TMEM8B: variants seen among roughly 807,000 people sequenced by gnomAD.
The protein encoded by TMEM8B is nasopharyngeal carcinoma expressed 6.
A neutral mutation model predicts 49.3 loss-of-function variants in TMEM8B; 29 were observed. The observed-to-expected ratio is 0.59, with a 90% CI of 0.44 to 0.80. The LOEUF is 0.80. TMEM8B is among the 30% of genes least tolerant of loss of function. TMEM8B has a pLI of 0.00. For missense variants in TMEM8B, 575 were observed against 658.5 expected (o/e 0.87, Z 1.39); for synonymous variants, 264 against 272.8 (o/e 0.97, Z 0.32).
At chr9:35,831,046 G>C (rs947396937) in intron 1 of TMEM8B, among the ~76,000 whole-genome samples, 1 of 152,204 alleles carries the variant, frequency 6.6e-6, no homozygotes, top group Non-Finnish European at 1.5e-5. Flanking sequence ...AGAACAGCTG[G>C]GGGGTGGAGA....
At chr9:35,851,950 G>A (rs1279146613) in intron 10 of TMEM8B, among the ~76,000 whole-genome samples, 2 of 152,014 alleles carry the variant, frequency 1.3e-5, no homozygotes, top group East Asian at 3.9e-4. Context: ...CAGATTTTTT[G>A]GTGGCATCTC....
Position 35,854,659 on chromosome 9 carries a change from T to A in TMEM8B, c.*819T>A, listed in dbSNP as rs1253226529. ...CGATTTGCAGTATCTGAGGGGTGTG[T>A]GTGTGTGTGTGTGTGTTTATGTATG... On this transcript the variant is annotated 3_prime_UTR_variant, in exon 13 of 13. Coordinates refer to ENST00000643932, the MANE Select transcript of TMEM8B (RefSeq NM_001042590.4). 1 of 152,036 alleles carries A rather than the reference T, an allele frequency of 6.6e-6. No individual in the cohort carries two copies. The highest frequency in any genetic ancestry group is 1.5e-5 in the Non-Finnish European group (1 of 68,018). 9.4% of individuals were successfully genotyped at this position (152,036 alleles called of 1,614,324 possible). A position where few individuals can be genotyped will look rare whatever the true frequency, so the allele number is the denominator to read the frequency against.
intron 6 of TMEM8B, among the ~76,000 whole-genome samples, chr9:35,845,043 T>C (rs977802899): frequency 1.1e-4 from 17 of 152,182 alleles, no homozygotes; most frequent in African/African-American, 4.1e-4. Flanking sequence ...CGGGCTTGCA[T>C]TGAAGGAAGT....
chr9:35,834,987 C>A, intron 2 of TMEM8B, 24 bp from the exon 3 acceptor site: 1 of 415,836 alleles, frequency 2.4e-6, no homozygotes. Flanking sequence ...CTGCTTTCCT[C>A]CTCTCCTAAT....
rs1199589503 is a variant in TMEM8B at position 35,859,805 on chromosome 9, A to G, written c.*5965A>G. The G allele has an allele frequency of 6.5e-6, 1 of 154,034 alleles. No homozygotes were observed. Among genetic ancestry groups the G allele is most frequent in the East Asian group, 1.9e-4 (1 of 5,202 alleles). The allele number at this position is 154,034 out of a possible 1,614,324, so 9.5% of individuals were successfully genotyped here. A position where few individuals can be genotyped will look rare whatever the true frequency, so the allele number is the denominator to read the frequency against. On this transcript the variant is annotated 3_prime_UTR_variant, in exon 13 of 13. Transcript: ENST00000643932. ...TGAGGGAGAGGTTGCTGAGAAGTAC[A>G]TGGGGTTGTGCAGGCGAGGGTGCAG...
Position 35,841,506 on chromosome 9 carries a change from C to T in TMEM8B, c.1041-20C>T, listed in dbSNP as rs199836052. 122 of 417,002 alleles carry T rather than the reference C, an allele frequency of 2.9e-4. No homozygotes were observed. Among genetic ancestry groups the T allele is most frequent in the Non-Finnish European group, 3.7e-4 (85 of 227,472 alleles). The allele number at this position is 417,002 out of a possible 1,614,324, so 25.8% of individuals were successfully genotyped here. A position where few individuals can be genotyped will look rare whatever the true frequency, so the allele number is the denominator to read the frequency against. On this transcript the variant is annotated intron_variant, in intron 4 of 12. Transcript: ENST00000643932. This position sits in a 1 kb window ranked among gnomAD's most constrained non-coding sequence, Gnocchi z 5.9. ...CGCCTCTGTTTGTGCCTTCTTACCC[C>T]CAACCTCTCCTCTGCCCAGGGTCTT...
At chr9:35,834,295 C>G (rs1830222543) in intron 1 of TMEM8B, among the ~76,000 whole-genome samples, 166 bp from the exon 2 acceptor site, 1 of 151,734 alleles carries the variant, frequency 6.6e-6, no homozygotes, top group Admixed American at 6.6e-5. Flanking sequence ...AAGGATTAAA[C>G]CAGATGATGG....
rs1273943986 is a variant in TMEM8B at position 35,854,735 on chromosome 9, T to G, written c.*895T>G. 1.3e-5 allele frequency: 2 copies of G among 152,158 alleles called. No individual in the cohort carries two copies. The highest frequency in any genetic ancestry group is 2.4e-5 in the African/African-American group (1 of 41,414). 9.4% of individuals were successfully genotyped at this position (152,158 alleles called of 1,614,324 possible). ...TCAGTGAGACAGACTTTCCTTATGA[T>G]GCCCACACCCAACACAGAAGGAAGC... On this transcript the variant is annotated 3_prime_UTR_variant, in exon 13 of 13. Coordinates refer to ENST00000643932, the MANE Select transcript of TMEM8B (RefSeq NM_001042590.4).
intron 1 of TMEM8B, among the ~76,000 whole-genome samples, chr9:35,831,777 G>A (rs767743608): frequency 6.6e-6 from 1 of 152,240 alleles, no homozygotes; most frequent in Non-Finnish European, 1.5e-5. Flanking sequence ...GGGGAGAATT[G>A]TAATGAAGTT....
At chr9:35,845,637 G>C in intron 6 of TMEM8B, 1 of 985,426 alleles carries the variant, frequency 1.0e-6, no homozygotes. Flanking sequence ...TCTATAACTG[G>C]CAACAGCCCT....
rs778705262 is a variant in TMEM8B, at chr9:35,855,801, A to G, written c.*1961A>G. On this transcript the variant is annotated 3_prime_UTR_variant, in exon 13 of 13. Transcript: ENST00000643932. ...CATGCCTTTGTTATCTGCTTTCTGC[A>G]ATCACGTCTCTTCCATGGGGCACTG... 1 of 152,274 alleles carries G rather than the reference A, an allele frequency of 6.6e-6. No individual in the cohort carries two copies. Among genetic ancestry groups the G allele is most frequent in the East Asian group, 1.9e-4 (1 of 5,202 alleles). 9.4% of individuals were successfully genotyped at this position (152,274 alleles called of 1,614,324 possible). A position where few individuals can be genotyped will look rare whatever the true frequency, so the allele number is the denominator to read the frequency against.
rs1237844021 is a variant in TMEM8B, at chr9:35,829,843, C to T, written c.396C>T (p.Val132=). 2.6e-5 allele frequency: 11 copies of T among 416,180 alleles called. No homozygotes were observed. The East Asian group carries it at 3.6e-4, about 13-fold the overall frequency. 25.8% of individuals were successfully genotyped at this position (416,180 alleles called of 1,614,324 possible). ...SLCLPKSLPL[V]PPISHTLPLS... ...GTTTACCCAAGTCTCTCCCTCTAGT[C>T]CCCCCTATCTCTCATACTCTGCCCC... Residue 132 remains valine (V), a synonymous_variant, in exon 1 of 13, where the codon GTC becomes GTT. Transcript: ENST00000643932.
chr9:35,831,661 A>G (rs1829910052), intron 1 of TMEM8B, among the ~76,000 whole-genome samples: 1 of 152,202 alleles, frequency 6.6e-6, no homozygotes, highest in Non-Finnish European at 1.5e-5. Flanking sequence ...CCATTGAGCA[A>G]GCATTGGGCT....
intron 1 of TMEM8B, among the ~76,000 whole-genome samples, chr9:35,833,846 T>A (rs1323246824): frequency 6.6e-6 from 1 of 151,978 alleles, no homozygotes; most frequent in African/African-American, 2.4e-5. Flanking sequence ...TCCCCTCCCC[T>A]CTCCTGCCCT....
At position 35,847,256 on chromosome 9, in the gene TMEM8B, C is replaced by A. The variant is rs1418250669; in HGVS notation, c.2175+261C>A. On this transcript the variant is annotated intron_variant, in intron 10 of 12. Coordinates refer to ENST00000643932, the MANE Select transcript of TMEM8B (RefSeq NM_001042590.4). ...CTCCAGCTGTTCCACACTCTGTCCACCCTGAGGGCTGAGGGGACCTTTACT... is the reference window on the plus strand; with the variant it reads ...CTCCAGCTGTTCCACACTCTGTCCAACCTGAGGGCTGAGGGGACCTTTACT... 3.8e-6 allele frequency: 4 copies of A among 1,040,228 alleles called. No homozygotes were observed. The African/African-American group carries it at 6.2e-5, about 16-fold the overall frequency. 64.4% of individuals were successfully genotyped at this position (1,040,228 alleles called of 1,614,324 possible).
At chr9:35,834,120 C>T (rs1024656809) in intron 1 of TMEM8B, among the ~76,000 whole-genome samples, 1 of 151,536 alleles carries the variant, frequency 6.6e-6, no homozygotes, top group African/African-American at 2.4e-5. Flanking sequence ...GAAAATGGCT[C>T]CTAAGTGAGG....
intron 10 of TMEM8B, among the ~76,000 whole-genome samples, chr9:35,848,415 C>T (rs1279946416): frequency 1.3e-5 from 2 of 152,210 alleles, no homozygotes; most frequent in Non-Finnish European, 2.9e-5. Flanking sequence ...CGGCTACATG[C>T]AGATCGAATG....
At position 35,853,968 on chromosome 9, in the gene TMEM8B, A is replaced by G. The variant is rs552768327; in HGVS notation, c.*128A>G. ...ACATGGAGTCTTTCTCAAGGACACA[A>G]AACTCTTCCAGGGACCTGGAGCCCT... On this transcript the variant is annotated 3_prime_UTR_variant, in exon 13 of 13. Coordinates refer to ENST00000643932, the MANE Select transcript of TMEM8B (RefSeq NM_001042590.4). The surrounding 1 kb of genome is among the most constrained non-coding windows in gnomAD (Gnocchi z 4.2). 5.1e-6 allele frequency: 7 copies of G among 1,380,648 alleles called. No homozygotes were observed. In the South Asian group the frequency reaches 1.1e-4, roughly 22 times the overall value. The allele number at this position is 1,380,648 out of a possible 1,614,324, so 85.5% of individuals were successfully genotyped here.
At chr9:35,831,709 A>G (rs1401773903) in intron 1 of TMEM8B, among the ~76,000 whole-genome samples, 2 of 152,264 alleles carry the variant, frequency 1.3e-5, no homozygotes, top group African/African-American at 4.8e-5. Flanking sequence ...CACAGAGCAT[A>G]TACAGCTGAA....
Sources: gnomAD v4.1 joint callset for allele counts (sites outside exome capture counted in the v4.1 genomes callset) on GRCh38, gnomAD v4.1.1 for gene constraint, Gnocchi (gnomAD v3.1) non-coding constraint, MANE v1.5 for transcripts, NCBI Gene and HGNC (gene_info 2026-07-23, HGNC 2026-07-21) for gene names.